Variants in IRAG1 observed in about 807,000 individuals in gnomAD.
IRAG1 encodes the protein inositol 1,4,5-triphosphate receptor associated 1, also known as IP3R-associated cGMP kinase substrate.
Under a neutral mutation model 106.2 loss-of-function variants are expected in IRAG1, and 62 were observed. The ratio of observed to expected loss-of-function variants is 0.58; its 90% confidence interval spans 0.48 to 0.72. The LOEUF (loss-of-function observed/expected upper bound fraction) is 0.72. Ranked by LOEUF, IRAG1 falls within the 30% of genes least tolerant of loss-of-function variation. IRAG1 has a pLI of 0.00. For synonymous variants in IRAG1, 462 were observed against 443.9 expected, an observed-to-expected ratio of 1.04 and a Z score of -0.51; for missense variants, 1,064 against 1,140.7, an observed-to-expected ratio of 0.93 and a Z score of 0.97.
intron 17 of IRAG1, 97 bp from the exon 18 acceptor site, chr11:10,591,709 G>T (rs1332597300): frequency 4.5e-6 from 5 of 1,112,950 alleles, no homozygotes; most frequent in Non-Finnish European, 6.7e-6. Context: ...CGGGGCTGCT[G>T]CTTCTCCTCT....
intron 10 of IRAG1, among the ~76,000 whole-genome samples, chr11:10,621,610 G>A (rs567201678): frequency 1.3e-5 from 2 of 152,316 alleles, no homozygotes; most frequent in African/African-American, 4.8e-5. Context: ...AACTGTTCAT[G>A]AGATGGCCAA....
At chr11:10,664,208 A>G (rs1859615638) in intron 1 of IRAG1, among the ~76,000 whole-genome samples, 1 of 152,080 alleles carries the variant, frequency 6.6e-6, no homozygotes, top group Non-Finnish European at 1.5e-5. Flanking sequence ...GGTAGACAGG[A>G]AGCAGCTGCG....
At chr11:10,598,034 C>T (rs938860273) in intron 15 of IRAG1, among the ~76,000 whole-genome samples, 2 of 152,216 alleles carry the variant, frequency 1.3e-5, no homozygotes. Flanking sequence ...CAGGGTGAAA[C>T]AAATTTCCTT....
intron 1 of IRAG1, among the ~76,000 whole-genome samples, chr11:10,691,351 CAGG>C (rs1460836142): frequency 2.0e-5 from 3 of 152,328 alleles, no homozygotes; most frequent in African/African-American, 7.2e-5. Flanking sequence ...TCTGCTCCTC[CAGG>C]AGGTGTGGGG....
chr11:10,690,038 C>T (rs1403440989), intron 1 of IRAG1, among the ~76,000 whole-genome samples: 1 of 151,984 alleles, frequency 6.6e-6, no homozygotes, highest in African/African-American at 2.4e-5. Context: ...AGAAAGTAAC[C>T]AGAGCTGATT....
Position 10,604,263 on chromosome 11 carries a change from T to C in IRAG1, c.1743+142A>G, listed in dbSNP as rs1591593325. 5 of 1,100,964 alleles carry C rather than the reference T, an allele frequency of 4.5e-6. No homozygotes were observed. In the East Asian group the frequency reaches 1.3e-4, roughly 29 times the overall value. 68.2% of individuals were successfully genotyped at this position (1,100,964 alleles called of 1,614,324 possible). A position where few individuals can be genotyped will look rare whatever the true frequency, so the allele number is the denominator to read the frequency against. ...TCTCTGCCTCAGTTCCCCCCAACTC[T>C]CTGAGGAACACTGTCAGAGTCTTGG... On this transcript the variant is annotated intron_variant, in intron 13 of 20. Coordinates refer to ENST00000423302, the MANE Select transcript of IRAG1 (RefSeq NM_130385.4).
At chr11:10,587,754 A>G (rs1852182921) in intron 18 of IRAG1, among the ~76,000 whole-genome samples, 1 of 151,848 alleles carries the variant, frequency 6.6e-6, no homozygotes, top group South Asian at 2.1e-4. Flanking sequence ...TCTGTTCTCC[A>G]CTCCATGCCC....
At chr11:10,636,388 G>T (rs913901289) in intron 2 of IRAG1, among the ~76,000 whole-genome samples, 1 of 152,110 alleles carries the variant, frequency 6.6e-6, no homozygotes, top group South Asian at 2.1e-4. Flanking sequence ...TGTTGGCCAG[G>T]CTGGTCTTGA....
At position 10,629,705 on chromosome 11, in the gene IRAG1, G is replaced by C; in HGVS notation, c.407C>G (p.Ala136Gly). The stretch of plus-strand genomic sequence containing the variant: ...ATTCACCAGGTCAATGATGTGCCCC[G>C]CGGGGTCTGCAGAAGGAGGATGAGC... ...STASLTSVDP[A>G]GHIIDLVNDQ... The change falls in exon 5 of 21, where the codon GCG (alanine) becomes GGG (glycine). Residue 136 changes from alanine (A) to glycine (G), a missense_variant. Physicochemically the swap from Ala to Gly is moderately conservative, Grantham distance 60. Coordinates refer to ENST00000423302, the MANE Select transcript of IRAG1 (RefSeq NM_130385.4). 1.9e-6 allele frequency: 3 copies of C among 1,613,046 alleles called. No individual in the cohort carries two copies. Among genetic ancestry groups the C allele is most frequent in the Non-Finnish European group, 2.5e-6 (3 of 1,179,482 alleles).
intron 9 of IRAG1, 146 bp downstream of exon 9, chr11:10,625,820 T>C: frequency 1.3e-6 from 1 of 773,416 alleles, no homozygotes; most frequent in Non-Finnish European, 1.8e-6. Flanking sequence ...AGGCCTGACT[T>C]CTCAGAGTGG....
At chr11:10,613,781 T>C (rs147714008) in intron 10 of IRAG1, among the ~76,000 whole-genome samples, 16 of 152,308 alleles carry the variant, frequency 1.1e-4, no homozygotes, top group South Asian at 2.1e-4. Flanking sequence ...GTAGGTACCA[T>C]TGTAGTGACT....
chr11:10,693,534 A>ACCTAAAACT lies in IRAG1; in HGVS notation c.60_67+1dup, dbSNP rs751360002. 1 of 1,535,570 alleles carries ACCTAAAACT rather than the reference A, an allele frequency of 6.5e-7. No homozygotes were observed. The highest frequency in any genetic ancestry group is 1.2e-5 in the South Asian group (1 of 84,064). ...TTATTCTAGGATATAGGGGAGGCTTACCTAAAACTGAGTTATTCTCCTTTC... is the reference window on the plus strand; with the variant it reads ...TTATTCTAGGATATAGGGGAGGCTTACCTAAAACTCCTAAAACTGAGTTATTCTCCTTTC... On this transcript the variant is annotated splice_donor_variant, in intron 1 of 20. Transcript: ENST00000423302. LOFTEE classifies it high-confidence loss of function.
intron 18 of IRAG1, among the ~76,000 whole-genome samples, chr11:10,583,751 G>T (rs1851635338): frequency 6.6e-6 from 1 of 152,158 alleles, no homozygotes; most frequent in South Asian, 2.1e-4. Flanking sequence ...AATAGGGACA[G>T]ACCTTGGAAA....
At chr11:10,651,918 T>A in intron 2 of IRAG1, 107 bp downstream of exon 2, 1 of 1,328,904 alleles carries the variant, frequency 7.5e-7, no homozygotes, top group Non-Finnish European at 1.0e-6. Context: ...GCAACCTACA[T>A]GAGCTGTCAG....
chr11:10,688,171 G>A (rs1188859175), intron 1 of IRAG1, among the ~76,000 whole-genome samples: 1 of 152,074 alleles, frequency 6.6e-6, no homozygotes, highest in Admixed American at 6.5e-5. Context: ...CATATTACAG[G>A]AGAAGAAACT....
intron 2 of IRAG1, among the ~76,000 whole-genome samples, chr11:10,639,175 C>G (rs1399655207): frequency 1.3e-5 from 2 of 152,210 alleles, no homozygotes; most frequent in African/African-American, 4.8e-5. Context: ...CTGCCTTGGC[C>G]TCCCAAAGTG....
rs763184439 is a variant in IRAG1 at position 10,622,012 on chromosome 11, G to A, written c.1447+1766C>T. On this transcript the variant is annotated intron_variant, in intron 10 of 20. Transcript: ENST00000423302. ...CATTTCAGTTTGCAATGATGAAAACGTTCTAGAAATGGATAGTGGTGATGG... is the reference window on the plus strand; with the variant it reads ...CATTTCAGTTTGCAATGATGAAAACATTCTAGAAATGGATAGTGGTGATGG... Among the ~76,000 whole-genome samples the A allele has an allele frequency of 6.6e-5, 10 of 152,204 alleles. No homozygotes were observed. The South Asian group carries it at 1.9e-3, about 28-fold the overall frequency.
At chr11:10,624,847 G>A (rs1225221910) in intron 9 of IRAG1, among the ~76,000 whole-genome samples, 2 of 152,184 alleles carry the variant, frequency 1.3e-5, no homozygotes, top group African/African-American at 4.8e-5. Context: ...CAGGAGTGTA[G>A]GGAGTGAGGA....
At chr11:10,643,134 A>G (rs1265271634) in intron 2 of IRAG1, among the ~76,000 whole-genome samples, 2 of 129,660 alleles carry the variant, frequency 1.5e-5, no homozygotes, top group Non-Finnish European at 3.1e-5. Context: ...TGATCGTGCC[A>G]CTGCACTCCT....
Sources: gnomAD v4.1 joint callset for allele counts (sites outside exome capture counted in the v4.1 genomes callset) on GRCh38, gnomAD v4.1.1 for gene constraint, MANE v1.5 for transcripts, NCBI Gene and HGNC (gene_info 2026-07-23, HGNC 2026-07-21) for gene names.